The following ATP1A3 variants were observed in gnomAD, a reference collection of about 807,000 sequenced individuals.
ATP1A3 encodes ATPase Na+/K+ transporting subunit alpha 3, also known as sodium/potassium-transporting ATPase subunit alpha-3.
Under a neutral mutation model 108.8 loss-of-function variants are expected in ATP1A3, and 12 were observed. The observed-to-expected ratio is 0.11, with a 90% CI of 0.07 to 0.18. The LOEUF (loss-of-function observed/expected upper bound fraction) is 0.18. Among genes scored for constraint, ATP1A3 ranks in the 10% least tolerant of loss-of-function variants. The pLI, the probability that ATP1A3 is intolerant of heterozygous loss-of-function variation, is 1.00. For missense variants in ATP1A3, 498 were observed against 1,387.7 expected, an observed-to-expected ratio of 0.36 and a Z score of 10.19; for synonymous variants, 539 against 564.5, an observed-to-expected ratio of 0.95 and a Z score of 0.64.
chr19:41,974,394 G>A (rs1052147775), intron 16 of ATP1A3, among the ~76,000 whole-genome samples: 1 of 152,156 alleles, frequency 6.6e-6, no homozygotes, highest in Non-Finnish European at 1.5e-5. Context: ...AGTTAGCCGT[G>A]ATTGTGCCAC....
In ATP1A3 at chr19:41,976,585, G is replaced by A; in HGVS notation, c.1944-19C>T. 1.2e-6 allele frequency: 2 copies of A among 1,613,690 alleles called. No individual in the cohort carries two copies. The highest frequency in any genetic ancestry group is 1.7e-6 in the Non-Finnish European group (2 of 1,179,896). On this transcript the variant is annotated intron_variant, in intron 14 of 22. Coordinates refer to ENST00000648268, the MANE Select transcript of ATP1A3 (RefSeq NM_152296.5). ...GGCATCCCTGGGAAGAGCAGAGAGA[G>A]CGATGGCTGAGGTCAGGGTGTGTGA...
intron 14 of ATP1A3, among the ~76,000 whole-genome samples, chr19:41,977,256 G>C (rs2075181410): frequency 6.6e-6 from 1 of 152,136 alleles, no homozygotes; most frequent in South Asian, 2.1e-4. Context: ...AAAAAAGAGA[G>C]ACAGACACAG....
In ATP1A3 at chr19:41,967,075, C is replaced by T. The variant is rs1555858770; in HGVS notation, c.3014-110G>A. ...CAGAGAGGGAGAGAGACAAGGAAACCACACAGACAGAGACCCGTGAGAAGA... is the reference window on the plus strand; with the variant it reads ...CAGAGAGGGAGAGAGACAAGGAAACTACACAGACAGAGACCCGTGAGAAGA... On this transcript the variant is annotated intron_variant, in intron 22 of 22. Transcript: ENST00000648268. This position sits in a 1 kb window ranked among gnomAD's most constrained non-coding sequence, Gnocchi z 4.2. 26 of 1,551,562 alleles carry T rather than the reference C, an allele frequency of 1.7e-5. No homozygotes were observed. Among genetic ancestry groups the T allele is most frequent in the African/African-American group, 2.7e-5 (2 of 73,004 alleles).
At chr19:41,977,818 T>G in intron 14 of ATP1A3, 118 bp downstream of exon 14, 2 of 1,457,192 alleles carry the variant, frequency 1.4e-6, no homozygotes, top group Non-Finnish European at 1.9e-6. Flanking sequence ...GCCTGGTCCA[T>G]GGAGGAGTCC....
At chr19:41,972,770 G>C (rs973028856) in intron 16 of ATP1A3, among the ~76,000 whole-genome samples, 1 of 148,076 alleles carries the variant, frequency 6.8e-6, no homozygotes, top group African/African-American at 2.5e-5. Flanking sequence ...TCAAAAAAAG[G>C]GGAGGGGAGG....
At chr19:41,983,778 T>C (rs2075259470) in intron 8 of ATP1A3, among the ~76,000 whole-genome samples, 2 of 141,778 alleles carry the variant, frequency 1.4e-5, no homozygotes, top group African/African-American at 2.6e-5. Context: ...TTTTTTTTTT[T>C]TTTTTTTTTT....
intron 16 of ATP1A3, among the ~76,000 whole-genome samples, chr19:41,975,146 G>T (rs1555860672): frequency 1.3e-5 from 2 of 152,132 alleles, no homozygotes; most frequent in African/African-American, 4.8e-5. Flanking sequence ...CCACCTCCTG[G>T]GTTCAAGCAA....
In ATP1A3 at chr19:41,985,193, G is replaced by A. The variant is rs782244197; in HGVS notation, c.725-7C>T. The A allele has an allele frequency of 6.2e-7, 1 of 1,613,704 alleles. No individual in the cohort carries two copies. Among genetic ancestry groups the A allele is most frequent in the African/African-American group, 1.3e-5 (1 of 74,936 alleles). On this transcript the variant is annotated splice_region_variant and splice_polypyrimidine_tract_variant and intron_variant, in intron 7 of 22. Coordinates refer to ENST00000648268, the MANE Select transcript of ATP1A3 (RefSeq NM_152296.5). The surrounding 1 kb of genome is among the most constrained non-coding windows in gnomAD (Gnocchi z 8.2). ...ACCACGCCCCGAGCCGTGCCTGCAG[G>A]CCAGAGGGGTTAGGCTGAGGTGGGG...
chr19:41,979,301 G>T (rs1279088044), intron 11 of ATP1A3, among the ~76,000 whole-genome samples: 1 of 149,364 alleles, frequency 6.7e-6, no homozygotes, highest in Non-Finnish European at 1.5e-5. Flanking sequence ...CCACGTCTGT[G>T]CTCCCCTCCT....
chr19:41,993,713 A>G, intron 1 of ATP1A3: 1 of 600,074 alleles, frequency 1.7e-6, no homozygotes, highest in Non-Finnish European at 2.9e-6. Flanking sequence ...GCGATCGCAG[A>G]CTTTCAGACA....
chr19:41,979,852 T>C lies in ATP1A3; in HGVS notation c.1438-1054A>G, dbSNP rs553380555. Among the ~76,000 whole-genome samples, 7 of 152,376 alleles carry C rather than the reference T, an allele frequency of 4.6e-5. No homozygotes were observed. The East Asian group carries it at 1.3e-3, about 29-fold the overall frequency. On this transcript the variant is annotated intron_variant, in intron 11 of 22. Transcript: ENST00000648268. ...AGAGGGACGAGCTATGGTATGTTAA[T>C]TATATCTTAATAAAGTTATTTTAAA... is the stretch of plus-strand genomic sequence containing the variant.
intron 14 of ATP1A3, among the ~76,000 whole-genome samples, chr19:41,977,446 G>A (rs2075183234): frequency 6.6e-6 from 1 of 151,736 alleles, no homozygotes; most frequent in South Asian, 2.1e-4. Context: ...AGCACTTTGG[G>A]AGGCCAAGGC....
chr19:41,967,030 C>A lies in ATP1A3; in HGVS notation c.3014-65G>T, dbSNP rs1555858756. 4 of 1,551,306 alleles carry A rather than the reference C, an allele frequency of 2.6e-6. No individual in the cohort carries two copies. In the Admixed American group the frequency reaches 5.9e-5, roughly 23 times the overall value. ...GATGGAGAGAGACAGGCAAGGCGAG[C>A]CGCCCAGCAGAGAGAGGGACAGAGA... On this transcript the variant is annotated intron_variant, in intron 22 of 22. Coordinates refer to ENST00000648268, the MANE Select transcript of ATP1A3 (RefSeq NM_152296.5). The surrounding 1 kb of genome is among the most constrained non-coding windows in gnomAD (Gnocchi z 4.2).
intron 1 of ATP1A3, chr19:41,993,284 A>G: frequency 1.7e-6 from 2 of 1,151,362 alleles, no homozygotes; most frequent in Non-Finnish European, 2.5e-6. Flanking sequence ...AGAGACTCAC[A>G]GACAGACAAG....
At chr19:41,987,860 G>A in intron 4 of ATP1A3, 76 bp downstream of exon 4, 1 of 1,542,478 alleles carries the variant, frequency 6.5e-7, no homozygotes, top group Non-Finnish European at 8.9e-7. Flanking sequence ...AGCTTAGAGG[G>A]ATGGGAAGAA....
chr19:41,993,564 C>A lies in ATP1A3; in HGVS notation c.6+507G>T, dbSNP rs1299564969. ...ACACACACACACTGCGGAGTCCCCC[C>A]ATCCAGGCCTGGAAGGAGAAAGAGA... On this transcript the variant is annotated intron_variant, in intron 1 of 22. Coordinates refer to ENST00000648268, the MANE Select transcript of ATP1A3 (RefSeq NM_152296.5). 7.9e-6 allele frequency: 10 copies of A among 1,267,286 alleles called. No individual in the cohort carries two copies. The Admixed American group carries it at 1.4e-4, about 17-fold the overall frequency. 78.5% of individuals were successfully genotyped at this position (1,267,286 alleles called of 1,614,324 possible). A position where few individuals can be genotyped will look rare whatever the true frequency, so the allele number is the denominator to read the frequency against.
intron 16 of ATP1A3, among the ~76,000 whole-genome samples, chr19:41,973,341 G>C (rs1555860350): frequency 6.6e-6 from 1 of 152,086 alleles, no homozygotes; most frequent in African/African-American, 2.4e-5. Flanking sequence ...TGGCAGCCTC[G>C]ACCACCCAGG....
intron 16 of ATP1A3, among the ~76,000 whole-genome samples, chr19:41,970,838 T>C (rs2075098643): frequency 6.6e-6 from 1 of 151,664 alleles, no homozygotes; most frequent in Non-Finnish European, 1.5e-5. Context: ...TTCACTGTGT[T>C]AGCCTGCATG....
intron 16 of ATP1A3, among the ~76,000 whole-genome samples, chr19:41,971,378 C>T (rs782700216): frequency 1.3e-5 from 2 of 152,122 alleles, no homozygotes; most frequent in Non-Finnish European, 2.9e-5. Flanking sequence ...CCCCACCGAC[C>T]GAGTAATCCG....
Sources: allele counts gnomAD v4.1 joint callset (sites outside exome capture counted in the v4.1 genomes callset), GRCh38; gene constraint gnomAD v4.1.1; non-coding constraint Gnocchi (gnomAD v3.1); transcripts MANE v1.5; gene names NCBI Gene and HGNC (gene_info 2026-07-23, HGNC 2026-07-21).